Variants in HTR1E observed in about 807,000 individuals in gnomAD.
The protein encoded by HTR1E is 5-HT-1E.
Under a neutral mutation model 3.4 loss-of-function variants are expected in HTR1E, and 3 were observed. That is an observed-to-expected ratio of 0.89 (90% CI 0.41 to 2.31). The LOEUF (loss-of-function observed/expected upper bound fraction) is 2.31. Among genes scored for constraint, HTR1E ranks in the 30% most tolerant of loss-of-function variants. The probability of loss-of-function intolerance (pLI) is 0.05; values close to 1 mark genes in which losing one functional copy is unlikely to be tolerated. For synonymous variants in HTR1E, 170 were observed against 182.8 expected, an observed-to-expected ratio of 0.93 and a Z score of 0.56; for missense variants, 392 against 467.0, an observed-to-expected ratio of 0.84 and a Z score of 1.48.
chr6:86,963,926 C>A (rs754434793), intron 1 of HTR1E, among the ~76,000 whole-genome samples: 4 of 152,170 alleles, frequency 2.6e-5, no homozygotes, highest in Non-Finnish European at 5.9e-5. Flanking sequence ...GCCCAACTCT[C>A]TGTTAGGCCC....
Position 87,009,773 on chromosome 6 carries a change from G to T in HTR1E, c.-185-5377G>T, listed in dbSNP as rs548713236. ...CTTCCCAGTAGGGGCGGCTGGCCGG[G>T]CAGGGGGGCTGACCTCCCCCACCTC... On this transcript the variant is annotated intron_variant, in intron 1 of 1. Transcript: ENST00000305344. 1.5e-5 allele frequency among the ~76,000 whole-genome samples: 2 copies of T among 134,582 alleles called. 1 individual carries two copies. Among genetic ancestry groups the T allele is most frequent in the African/African-American group, 6.3e-5 (2 of 31,982 alleles). 88.3% of individuals were successfully genotyped at this position (134,582 alleles called of 152,430 possible).
chr6:86,984,388 A>C (rs1767754179), intron 1 of HTR1E, among the ~76,000 whole-genome samples: 1 of 152,150 alleles, frequency 6.6e-6, no homozygotes, highest in Non-Finnish European at 1.5e-5. Context: ...TCTCTTAAAA[A>C]CCAAAGCACA....
In HTR1E at chr6:86,997,699, G is replaced by A. The variant is rs71572738; in HGVS notation, c.-185-17451G>A. Among the ~76,000 whole-genome samples, 626 of 151,666 alleles carry A rather than the reference G, an allele frequency of 4.1e-3. 3 individuals carry two copies. The highest frequency in any genetic ancestry group is 6.2e-3 in the Non-Finnish European group (420 of 67,706). On this transcript the variant is annotated intron_variant, in intron 1 of 1. Transcript: ENST00000305344. ...AATGAAATGAATCAAAAAAGGCTTG[G>A]ACAAATAGAAAATAAGTTAAAAGAT...
chr6:86,945,865 A>C (rs1312297938), intron 1 of HTR1E, among the ~76,000 whole-genome samples: 2 of 152,000 alleles, frequency 1.3e-5, no homozygotes, highest in Non-Finnish European at 2.9e-5. Context: ...CAGCCTCCCA[A>C]GTAACTGGGA....
chr6:87,010,449 A>G (rs1460964431), intron 1 of HTR1E, among the ~76,000 whole-genome samples: 3,694 of 102,946 alleles, frequency 0.036, no homozygotes, highest in Middle Eastern at 0.13. Flanking sequence ...CCGGGCAGAG[A>G]CGCTCCTCAC....
chr6:86,998,020 T>A (rs1767968645), intron 1 of HTR1E, among the ~76,000 whole-genome samples: 1 of 150,066 alleles, frequency 6.7e-6, no homozygotes. Flanking sequence ...CATAATGTTA[T>A]AAGAACTATT....
At chr6:86,983,602 C>A (rs1024559437) in intron 1 of HTR1E, among the ~76,000 whole-genome samples, 2 of 152,096 alleles carry the variant, frequency 1.3e-5, no homozygotes, top group Non-Finnish European at 2.9e-5. Context: ...CTTGATACCA[C>A]AATAGGGTGA....
At chr6:87,010,346 C>CGGCTGGCCGGGCGGGG (rs1768196730) in intron 1 of HTR1E, among the ~76,000 whole-genome samples, 1 of 92,780 alleles carries the variant, frequency 1.1e-5, no homozygotes, top group Admixed American at 1.2e-4. Flanking sequence ...CCGGACGGGG[C>CGGCTGGCCGGGCGGGG]GGCTGGCCGG....
intron 1 of HTR1E, among the ~76,000 whole-genome samples, chr6:86,953,096 T>G (rs1450468586): frequency 6.6e-6 from 1 of 152,178 alleles, no homozygotes; most frequent in East Asian, 1.9e-4. Context: ...TTACATAGCT[T>G]TGTTAACTGT....
chr6:86,970,286 G>A (rs1335192216), intron 1 of HTR1E, among the ~76,000 whole-genome samples: 4 of 152,146 alleles, frequency 2.6e-5, no homozygotes, highest in African/African-American at 9.7e-5. Flanking sequence ...CTGCTTCCAG[G>A]TATGGATATT....
chr6:86,983,906 A>G (rs1247651884), intron 1 of HTR1E, among the ~76,000 whole-genome samples: 2 of 152,164 alleles, frequency 1.3e-5, no homozygotes, highest in Non-Finnish European at 1.5e-5. Flanking sequence ...CAAAGACCAT[A>G]TCCTGAATTA....
intron 1 of HTR1E, among the ~76,000 whole-genome samples, chr6:86,939,374 T>G (rs981747120): frequency 5.3e-5 from 8 of 152,196 alleles, no homozygotes; most frequent in Non-Finnish European, 1.0e-4. Context: ...ATAGAGGTAT[T>G]TCATCACTAA....
intron 1 of HTR1E, among the ~76,000 whole-genome samples, chr6:86,940,047 C>T (rs956628367): frequency 6.6e-6 from 1 of 152,108 alleles, no homozygotes; most frequent in African/African-American, 2.4e-5. Flanking sequence ...AGACAAAATC[C>T]AGGACACACC....
At chr6:86,948,618 A>G (rs548690241) in intron 1 of HTR1E, among the ~76,000 whole-genome samples, 27 of 152,232 alleles carry the variant, frequency 1.8e-4, no homozygotes, top group African/African-American at 6.5e-4. Context: ...TGAAGTAACA[A>G]TCTAATTGGG....
In HTR1E at chr6:87,004,006, A is replaced by G. The variant is rs1240837296; in HGVS notation, c.-185-11144A>G. ...TATATGCCAATAAACTGGAAAACCT[A>G]GAAGAAATTGATAAATCCCTAACCA... On this transcript the variant is annotated intron_variant, in intron 1 of 1. Coordinates refer to ENST00000305344, the MANE Select transcript of HTR1E (RefSeq NM_000865.3). Among the ~76,000 whole-genome samples the G allele has an allele frequency of 2.0e-5, 3 of 152,314 alleles. No homozygotes were observed. The East Asian group carries it at 5.8e-4, about 29-fold the overall frequency.
At chr6:86,954,731 A>C (rs946653008) in intron 1 of HTR1E, among the ~76,000 whole-genome samples, 1 of 152,196 alleles carries the variant, frequency 6.6e-6, no homozygotes, top group Non-Finnish European at 1.5e-5. Flanking sequence ...TGCCAGGAAA[A>C]TGCAAGAAAA....
At chr6:86,945,883 C>T (rs1768609243) in intron 1 of HTR1E, among the ~76,000 whole-genome samples, 1 of 152,060 alleles carries the variant, frequency 6.6e-6, no homozygotes. Context: ...GGATTACAGG[C>T]ATGTGCCACC....
chr6:86,982,513 T>A (rs1301176671), intron 1 of HTR1E, among the ~76,000 whole-genome samples: 3 of 152,198 alleles, frequency 2.0e-5, no homozygotes, highest in African/African-American at 7.2e-5. Context: ...AATCCAGGAA[T>A]GGGTCAGCCC....
intron 1 of HTR1E, among the ~76,000 whole-genome samples, chr6:87,009,968 G>A (rs1207113124): frequency 2.4e-5 from 3 of 125,508 alleles, no homozygotes; most frequent in Admixed American, 7.4e-5. Flanking sequence ...CCGGGCAGAG[G>A]CGCCCCTCAC....
Sources: allele counts gnomAD v4.1 joint callset (sites outside exome capture counted in the v4.1 genomes callset), GRCh38; gene constraint gnomAD v4.1.1; transcripts MANE v1.5; gene names NCBI Gene and HGNC (gene_info 2026-07-23, HGNC 2026-07-21).